Variants in RGS9 observed in about 807,000 individuals in gnomAD.
The protein encoded by RGS9 is regulator of G-protein signalling 9.
A neutral mutation model predicts 102.0 loss-of-function variants in RGS9; 78 were observed. The observed-to-expected ratio is 0.76, with a 90% CI of 0.64 to 0.92. RGS9 has a LOEUF of 0.92. RGS9 is among the 40% of genes least tolerant of loss of function. The pLI is 0.00. For synonymous variants in RGS9, 353 were observed against 318.6 expected (o/e 1.11, Z -1.15); for missense variants, 833 against 866.1 (o/e 0.96, Z 0.48).
chr17:65,178,194 G>A (rs1368824846), intron 9 of RGS9, among the ~76,000 whole-genome samples: 3 of 152,172 alleles, frequency 2.0e-5, no homozygotes, highest in East Asian at 1.9e-4. Flanking sequence ...TGAGGAGACT[G>A]TAGACCCCAG....
chr17:65,205,485 T>C (rs1913018197), intron 15 of RGS9, among the ~76,000 whole-genome samples: 1 of 141,098 alleles, frequency 7.1e-6, no homozygotes. Flanking sequence ...ATATAGCTTA[T>C]ATGAGATAGA....
chr17:65,201,100 T>TAC lies in RGS9; in HGVS notation c.977-875_977-874dup, dbSNP rs113665578. On this transcript the variant is annotated intron_variant, in intron 13 of 18. Coordinates refer to ENST00000262406, the MANE Select transcript of RGS9 (RefSeq NM_003835.4). ...CCACACTGTGACACACTCCACGATT[T>TAC]ACACACACACACACACACAGACACA... Among the ~76,000 whole-genome samples, 1,345 of 148,732 alleles carry TAC rather than the reference T, an allele frequency of 9.0e-3. 19 individuals carry two copies. Among genetic ancestry groups the TAC allele is most frequent in the African/African-American group, 0.027 (1,057 of 39,794 alleles).
At chr17:65,192,534 A>G (rs560754138) in intron 11 of RGS9, among the ~76,000 whole-genome samples, 1 of 151,904 alleles carries the variant, frequency 6.6e-6, no homozygotes, top group East Asian at 1.9e-4. Context: ...GGACGGCTTG[A>G]GCTGGGGAGG....
intron 17 of RGS9, among the ~76,000 whole-genome samples, chr17:65,223,102 C>G (rs980880446): frequency 6.6e-6 from 1 of 152,178 alleles, no homozygotes; most frequent in Non-Finnish European, 1.5e-5. Context: ...GTGGAGCATG[C>G]AATAATCCAC....
intron 8 of RGS9, among the ~76,000 whole-genome samples, chr17:65,176,717 A>G (rs1323923797): frequency 7.2e-6 from 1 of 139,726 alleles, no homozygotes; most frequent in Non-Finnish European, 1.5e-5. Context: ...TCAACCATCC[A>G]TCCATCCATC....
intron 8 of RGS9, among the ~76,000 whole-genome samples, chr17:65,169,105 A>G (rs1911309928): frequency 1.3e-5 from 2 of 152,174 alleles, no homozygotes; most frequent in South Asian, 4.1e-4. Flanking sequence ...GGTATCAGAA[A>G]TTCTCAGAAG....
chr17:65,197,077 C>T (rs375131046), intron 12 of RGS9, 49 bp from the exon 13 acceptor site: 1 of 1,384,250 alleles, frequency 7.2e-7, no homozygotes, highest in East Asian at 2.4e-5. Flanking sequence ...CAGGCCACCA[C>T]CTGTCACAAC....
At chr17:65,158,866 G>C in intron 3 of RGS9, 1 of 253,106 alleles carries the variant, frequency 4.0e-6, no homozygotes, top group Non-Finnish European at 7.7e-6. Flanking sequence ...CAATGTGCCT[G>C]ATAATCATAT....
Position 65,173,463 on chromosome 17 carries a change from C to T in RGS9, c.583-4269C>T, listed in dbSNP as rs1015111533. Reference sequence around the variant, plus strand: ...ATCGCCTCCTCACGAGCAGTTGTCACGAGTACAGGAGCTCCTTTCCTGACC... The same window carrying T: ...ATCGCCTCCTCACGAGCAGTTGTCATGAGTACAGGAGCTCCTTTCCTGACC... On this transcript the variant is annotated intron_variant, in intron 8 of 18. Coordinates refer to ENST00000262406, the MANE Select transcript of RGS9 (RefSeq NM_003835.4). This position sits in a 1 kb window ranked among gnomAD's most constrained non-coding sequence, Gnocchi z 4.8. Among the ~76,000 whole-genome samples, 8 of 152,010 alleles carry T rather than the reference C, an allele frequency of 5.3e-5. No individual in the cohort carries two copies. The highest frequency in any genetic ancestry group is 5.2e-4 in the Admixed American group (8 of 15,254).
At chr17:65,226,562 C>G (rs1905689744) in intron 18 of RGS9, among the ~76,000 whole-genome samples, 1 of 151,582 alleles carries the variant, frequency 6.6e-6, no homozygotes, top group Admixed American at 6.6e-5. Flanking sequence ...CTTTAAAAGG[C>G]TCTCTTCTCA....
intron 1 of RGS9, among the ~76,000 whole-genome samples, chr17:65,139,105 C>CT (rs1910044561): frequency 7.4e-6 from 1 of 134,788 alleles, no homozygotes; most frequent in Non-Finnish European, 1.6e-5. Flanking sequence ...CCAGCTCTCC[C>CT]CCCTCCACCC....
intron 17 of RGS9, 180 bp downstream of exon 17, chr17:65,210,785 T>C (rs1913264848): frequency 3.9e-6 from 4 of 1,035,248 alleles, no homozygotes; most frequent in Admixed American, 4.9e-5. Flanking sequence ...CATACTCCTC[T>C]AACTTTCTTC....
At position 65,170,048 on chromosome 17, in the gene RGS9, CT is replaced by C. The variant is rs993959757; in HGVS notation, c.582+1789del. On this transcript the variant is annotated intron_variant, in intron 8 of 18. Transcript: ENST00000262406. ...GGCACTGTGCTAAGCCTTCTGCATT[CT>C]TTTTTTTTTTTTTTTTTTTTTCTGA... 3.0e-3 allele frequency among the ~76,000 whole-genome samples: 367 copies of C among 122,110 alleles called. 1 individual carries two copies. The highest frequency in any genetic ancestry group is 7.2e-3 in the African/African-American group (225 of 31,302). The allele number at this position is 122,110 out of a possible 152,430, so 80.1% of individuals were successfully genotyped here.
chr17:65,199,954 A>G lies in RGS9; in HGVS notation c.977-2039A>G, dbSNP rs549132095. ...TTTAGCTGTTATGAATAATGCTGCTATGAACTTTGGTGTACATATTTTTGT... is the reference window on the plus strand; with the variant it reads ...TTTAGCTGTTATGAATAATGCTGCTGTGAACTTTGGTGTACATATTTTTGT... On this transcript the variant is annotated intron_variant, in intron 13 of 18. Coordinates refer to ENST00000262406, the MANE Select transcript of RGS9 (RefSeq NM_003835.4). Among the ~76,000 whole-genome samples the G allele has an allele frequency of 8.5e-5, 13 of 152,322 alleles. No homozygotes were observed. In the South Asian group the frequency reaches 2.3e-3, roughly 27 times the overall value.
chr17:65,207,801 A>T, intron 15 of RGS9, 121 bp from the exon 16 acceptor site: 1 of 686,278 alleles, frequency 1.5e-6, no homozygotes, highest in South Asian at 1.5e-5. Flanking sequence ...TCACCCAAGG[A>T]GACAAATTCT....
Position 65,225,323 on chromosome 17 carries a change from C to A in RGS9, c.1729C>A (p.Arg577Ser). 2 of 1,610,794 alleles carry A rather than the reference C, an allele frequency of 1.2e-6. No homozygotes were observed. Among genetic ancestry groups the A allele is most frequent in the Non-Finnish European group, 8.5e-7 (1 of 1,180,020 alleles). Residue 577 changes from arginine to serine, a missense_variant, in exon 18 of 19, where the codon CGC (arginine) becomes AGC (serine). Coordinates refer to ENST00000262406, the MANE Select transcript of RGS9 (RefSeq NM_003835.4). ...CCGGCCCAGGGCCCCTCCTAAGGCCCGCATGGCTCTGTCCTTCAGCAGGTT... is the reference window on the plus strand; with the variant it reads ...CCGGCCCAGGGCCCCTCCTAAGGCCAGCATGGCTCTGTCCTTCAGCAGGTT... ...RSRPRAPPKA[R>S]MALSFSRFLR...
At chr17:65,214,409 C>T (rs1482645823) in intron 17 of RGS9, among the ~76,000 whole-genome samples, 1 of 152,276 alleles carries the variant, frequency 6.6e-6, no homozygotes, top group African/African-American at 2.4e-5. Flanking sequence ...AGGATGCAGT[C>T]GAGACTGGAT....
chr17:65,204,142 A>G, intron 14 of RGS9, 21 bp from the exon 15 acceptor site: 1 of 1,612,126 alleles, frequency 6.2e-7, no homozygotes, highest in Non-Finnish European at 8.5e-7. Flanking sequence ...TACTTTTGCT[A>G]ACATCTCCCT....
Position 65,189,332 on chromosome 17 carries a change from T to G in RGS9, c.684+17T>G, listed in dbSNP as rs372989120. ...AAAAAAGAGGTAATTAGTCTTACAC[T>G]TCCAGTGAAGAATGGTTTTAAATCT... On this transcript the variant is annotated intron_variant, in intron 10 of 18. Transcript: ENST00000262406. The G allele has an allele frequency of 2.5e-6, 4 of 1,592,866 alleles. No homozygotes were observed. Among genetic ancestry groups the G allele is most frequent in the South Asian group, 2.2e-5 (2 of 90,632 alleles).
Sources: gnomAD v4.1 joint callset for allele counts (sites outside exome capture counted in the v4.1 genomes callset) on GRCh38, gnomAD v4.1.1 for gene constraint, Gnocchi (gnomAD v3.1) non-coding constraint, MANE v1.5 for transcripts, NCBI Gene and HGNC (gene_info 2026-07-23, HGNC 2026-07-21) for gene names.